Variants in MTUS2 observed in about 807,000 individuals in gnomAD.
MTUS2 encodes the protein microtubule-associated tumor suppressor candidate 2.
In MTUS2, 40 loss-of-function variants were observed where a neutral mutation model predicts 114.1. The observed-to-expected ratio is 0.35, with a 90% CI of 0.27 to 0.46. The LOEUF (loss-of-function observed/expected upper bound fraction) is 0.46, where lower values mean the gene tolerates loss of function less well. Among genes scored for constraint, MTUS2 ranks in the 20% least tolerant of loss-of-function variants. The probability of loss-of-function intolerance (pLI) is 1.00; values close to 1 mark genes in which losing one functional copy is unlikely to be tolerated. For synonymous variants in MTUS2, 688 were observed against 672.0 expected (o/e 1.02, Z -0.37); for missense variants, 1,679 against 1,705.4 (o/e 0.98, Z 0.27).
chr13:29,298,737 A>G (rs1373652832), intron 6 of MTUS2, among the ~76,000 whole-genome samples: 2 of 152,224 alleles, frequency 1.3e-5, no homozygotes, highest in Non-Finnish European at 2.9e-5. Flanking sequence ...TTACTGTAGC[A>G]TATGATATGC....
chr13:29,038,928 C>T (rs578058475), intron 4 of MTUS2, among the ~76,000 whole-genome samples: 70 of 152,342 alleles, frequency 4.6e-4, no homozygotes, highest in Admixed American at 8.5e-4. Flanking sequence ...CCTGGGGTGC[C>T]GGGCCTTCCA....
chr13:28,878,766 A>G (rs942875669), intron 2 of MTUS2, among the ~76,000 whole-genome samples: 3 of 152,136 alleles, frequency 2.0e-5, no homozygotes, highest in Non-Finnish European at 4.4e-5. Flanking sequence ...GGTCTTTGCT[A>G]TTGTGATAAA....
chr13:29,474,967 A>AT (rs1197692130), intron 9 of MTUS2, among the ~76,000 whole-genome samples: 2 of 152,162 alleles, frequency 1.3e-5, no homozygotes, highest in Non-Finnish European at 2.9e-5. Flanking sequence ...GTGATAAATA[A>AT]TTTTTTCCCA....
chr13:29,452,558 GTATA>G (rs140653029), intron 9 of MTUS2, among the ~76,000 whole-genome samples: 8 of 120,172 alleles, frequency 6.7e-5, no homozygotes, highest in South Asian at 3.1e-4. Flanking sequence ...ACCCAACTGT[GTATA>G]TATATATATA....
intron 11 of MTUS2, among the ~76,000 whole-genome samples, chr13:29,491,970 G>A (rs1405623777): frequency 1.4e-5 from 2 of 147,996 alleles, no homozygotes; most frequent in Non-Finnish European, 3.0e-5. Flanking sequence ...TGTATGTGAT[G>A]TGTGTGGTAG....
At chr13:29,191,312 T>C (rs1472288901) in intron 5 of MTUS2, among the ~76,000 whole-genome samples, 1 of 152,124 alleles carries the variant, frequency 6.6e-6, no homozygotes, top group East Asian at 1.9e-4. Context: ...GATACCATTT[T>C]TTTATATATA....
intron 6 of MTUS2, among the ~76,000 whole-genome samples, chr13:29,310,938 A>G (rs1899727635): frequency 6.6e-6 from 1 of 152,234 alleles, no homozygotes; most frequent in African/African-American, 2.4e-5. Context: ...TCAAAGCAGC[A>G]TTGTTCATAA....
chr13:29,389,417 G>GTGTA (rs1555272469), intron 8 of MTUS2, among the ~76,000 whole-genome samples: 32 of 97,940 alleles, frequency 3.3e-4, no homozygotes, highest in Non-Finnish European at 5.0e-4. Context: ...ACACGTGTGT[G>GTGTA]TGTATGTATA....
chr13:29,275,784 C>T (rs985535844), intron 5 of MTUS2, among the ~76,000 whole-genome samples: 2 of 152,156 alleles, frequency 1.3e-5, no homozygotes, highest in African/African-American at 4.8e-5. Flanking sequence ...ATGGACACTT[C>T]GGTTGCTTCC....
At chr13:29,278,914 G>A (rs1227869650) in intron 5 of MTUS2, among the ~76,000 whole-genome samples, 1 of 151,996 alleles carries the variant, frequency 6.6e-6, no homozygotes, top group African/African-American at 2.4e-5. Context: ...CTCACGTCGA[G>A]CAGCCCATCT....
chr13:29,488,045 G>A (rs752845978), intron 11 of MTUS2, 40 bp downstream of exon 11: 142 of 1,500,988 alleles, frequency 9.5e-5, no homozygotes, highest in Non-Finnish European at 1.3e-4. Context: ...GGGGTGGGTG[G>A]TGCAATCCGA....
At chr13:29,485,585 A>G (rs1034234499) in intron 10 of MTUS2, among the ~76,000 whole-genome samples, 1 of 152,198 alleles carries the variant, frequency 6.6e-6, no homozygotes, top group African/African-American at 2.4e-5. Flanking sequence ...CATTCATAAA[A>G]GCACCTCGGA....
chr13:28,964,300 T>C (rs1460803300), intron 2 of MTUS2, among the ~76,000 whole-genome samples: 1 of 152,246 alleles, frequency 6.6e-6, no homozygotes, highest in Non-Finnish European at 1.5e-5. Flanking sequence ...ATGTCCTTGC[T>C]GTCTTTCCTC....
rs544205344 is a variant in MTUS2 at position 29,101,688 on chromosome 13, C to T, written c.2644+718C>T. Among the ~76,000 whole-genome samples, 6 of 152,300 alleles carry T rather than the reference C, an allele frequency of 3.9e-5. No individual in the cohort carries two copies. In the South Asian group the frequency reaches 1.2e-3, roughly 32 times the overall value. Reference sequence around the variant, plus strand: ...AAGTCAATGTTATTGGATGGGAAACCATGACATCTCAGATGTTGTTTTCAA... The same window carrying T: ...AAGTCAATGTTATTGGATGGGAAACTATGACATCTCAGATGTTGTTTTCAA... On this transcript the variant is annotated intron_variant, in intron 5 of 15. Coordinates refer to ENST00000612955, the MANE Select transcript of MTUS2 (RefSeq NM_001033602.4).
chr13:29,158,358 C>CCCCCCCCCCTCTTTT, intron 5 of MTUS2, among the ~76,000 whole-genome samples: 6 of 32,046 alleles, frequency 1.9e-4, no homozygotes, highest in Admixed American at 4.2e-4. Flanking sequence ...GTCCACCCCG[C>CCCCCCCCCCTCTTTT]TTTTTTTTTT....
At chr13:28,943,828 GGAATGCCACATT>G (rs780508361) in intron 2 of MTUS2, among the ~76,000 whole-genome samples, 24 of 152,120 alleles carry the variant, frequency 1.6e-4, no homozygotes, top group Non-Finnish European at 3.4e-4. Flanking sequence ...TGGAGGGCAG[GGAATGCCACATT>G]GAGGAGCTAT....
At chr13:29,135,683 T>A (rs895719913) in intron 5 of MTUS2, among the ~76,000 whole-genome samples, 1 of 152,194 alleles carries the variant, frequency 6.6e-6, no homozygotes, top group Non-Finnish European at 1.5e-5. Context: ...CCTTCTCATT[T>A]CCTTTTGTGT....
intron 6 of MTUS2, among the ~76,000 whole-genome samples, chr13:29,304,451 A>G (rs952653868): frequency 2.0e-5 from 3 of 152,200 alleles, no homozygotes; most frequent in African/African-American, 7.2e-5. Context: ...AAATTTTACC[A>G]CACTAATGGA....
intron 4 of MTUS2, among the ~76,000 whole-genome samples, chr13:29,055,089 A>T (rs944414217): frequency 6.6e-6 from 1 of 151,968 alleles, no homozygotes; most frequent in Non-Finnish European, 1.5e-5. Context: ...CATTTTTATT[A>T]TTTTTTAAAA....
Sources: allele counts gnomAD v4.1 joint callset (sites outside exome capture counted in the v4.1 genomes callset), GRCh38; gene constraint gnomAD v4.1.1; transcripts MANE v1.5; gene names NCBI Gene and HGNC (gene_info 2026-07-23, HGNC 2026-07-21).